Variants in KLF12 observed in about 807,000 individuals in gnomAD.
KLF12 encodes KLF transcription factor 12, also known as Krueppel-like factor 12.
Under a neutral mutation model 37.8 loss-of-function variants are expected in KLF12, and 9 were observed. The observed-to-expected ratio is 0.24, with a 90% CI of 0.14 to 0.42. The LOEUF is 0.42. Ranked by LOEUF, KLF12 falls within the 10% of genes least tolerant of loss-of-function variation. The pLI is 1.00. For synonymous variants in KLF12, 208 were observed against 202.1 expected (o/e 1.03, Z -0.25); for missense variants, 411 against 516.0 (o/e 0.80, Z 1.97).
intron 6 of KLF12, among the ~76,000 whole-genome samples, chr13:73,749,759 G>A (rs563068718): frequency 7.2e-5 from 11 of 152,318 alleles, no homozygotes; most frequent in Admixed American, 7.2e-4. Context: ...TATATGGATT[G>A]TCGAAAGAAG....
chr13:73,938,001 T>C (rs1890026114), intron 3 of KLF12, among the ~76,000 whole-genome samples: 1 of 152,188 alleles, frequency 6.6e-6, no homozygotes, highest in African/African-American at 2.4e-5. Flanking sequence ...AAGATTTCAC[T>C]ACAGATCAAA....
intron 4 of KLF12, among the ~76,000 whole-genome samples, chr13:73,841,304 G>T (rs1884721816): frequency 6.6e-6 from 1 of 152,146 alleles, no homozygotes; most frequent in Non-Finnish European, 1.5e-5. Flanking sequence ...TATGCCAGGG[G>T]TGTCCAGTCT....
chr13:73,744,889 T>C (rs36106060), intron 6 of KLF12, among the ~76,000 whole-genome samples: 35,274 of 152,058 alleles, frequency 0.23, 5,132 homozygotes, highest in East Asian at 0.33. Flanking sequence ...TGATGAAGGC[T>C]AGTGTGTCAG....
At chr13:74,091,821 G>A (rs940667190) in intron 1 of KLF12, among the ~76,000 whole-genome samples, 1 of 152,072 alleles carries the variant, frequency 6.6e-6, no homozygotes, top group African/African-American at 2.4e-5. Flanking sequence ...TTTATTTTGG[G>A]TGATAATACA....
the KLF12 span, among the ~76,000 whole-genome samples, chr13:74,229,626 T>C: frequency 4.2e-4 from 64 of 152,316 alleles, no homozygotes; most frequent in African/African-American, 1.5e-3. Context: ...TGGAAAGTTA[T>C]CTAAAATACT....
chr13:74,041,492 T>C (rs1893400142), intron 1 of KLF12, among the ~76,000 whole-genome samples: 1 of 152,138 alleles, frequency 6.6e-6, no homozygotes, highest in African/African-American at 2.4e-5. Flanking sequence ...AGATGCTGAC[T>C]TACTCTCAAA....
chr13:73,760,274 T>C (rs7991940), intron 6 of KLF12, among the ~76,000 whole-genome samples: 17,231 of 152,166 alleles, frequency 0.11, 970 homozygotes, highest in South Asian at 0.16. Flanking sequence ...CAGCATCCAA[T>C]TGGTTAGAGA....
Position 73,969,007 on chromosome 13 carries a change from C to G in KLF12, c.34-24937G>C, listed in dbSNP as rs1311223285. ...TTTATATTGCCTCCTCATCTCACAT[C>G]TCTCTCCCTTACCCCATACTTTAAA... is the stretch of plus-strand genomic sequence containing the variant. On this transcript the variant is annotated intron_variant, in intron 2 of 7. Transcript: ENST00000377669. Among the ~76,000 whole-genome samples, 3 of 138,018 alleles carry G rather than the reference C, an allele frequency of 2.2e-5. No individual in the cohort carries two copies. In the Admixed American group the frequency reaches 2.3e-4, roughly 10 times the overall value. 90.5% of individuals were successfully genotyped at this position (138,018 alleles called of 152,430 possible). A position where few individuals can be genotyped will look rare whatever the true frequency, so the allele number is the denominator to read the frequency against.
chr13:74,262,127 G>A, the KLF12 span, among the ~76,000 whole-genome samples: 1 of 152,290 alleles, frequency 6.6e-6, no homozygotes, highest in African/African-American at 2.4e-5. Flanking sequence ...ATAAGACACA[G>A]GTAGAGTATC....
At chr13:74,163,527 A>G in the KLF12 span, among the ~76,000 whole-genome samples, 26,589 of 152,052 alleles carry the variant, frequency 0.17, 2,987 homozygotes, top group African/African-American at 0.32. Flanking sequence ...GGATCTGAAA[A>G]TCAAATCAAT....
At chr13:73,934,727 A>G (rs1233354355) in intron 3 of KLF12, among the ~76,000 whole-genome samples, 1 of 151,818 alleles carries the variant, frequency 6.6e-6, no homozygotes, top group African/African-American at 2.4e-5. Flanking sequence ...GGCTCATTAA[A>G]CTTCCTGGGA....
chr13:73,985,260 C>T (rs1891797641), intron 2 of KLF12, among the ~76,000 whole-genome samples: 1 of 152,236 alleles, frequency 6.6e-6, no homozygotes, highest in Admixed American at 6.5e-5. Flanking sequence ...GAGCAAAACA[C>T]ATACTGCTTT....
intron 1 of KLF12, among the ~76,000 whole-genome samples, chr13:74,034,354 C>A (rs1031760499): frequency 6.6e-6 from 1 of 152,202 alleles, no homozygotes; most frequent in African/African-American, 2.4e-5. Context: ...CAGGCATGAG[C>A]CACCACACCC....
chr13:73,909,418 A>C (rs1888467613), intron 3 of KLF12, among the ~76,000 whole-genome samples: 1 of 152,224 alleles, frequency 6.6e-6, no homozygotes, highest in African/African-American at 2.4e-5. Flanking sequence ...ATACAACATC[A>C]ACAATAAATC....
At chr13:74,039,318 T>G (rs1476255286) in intron 1 of KLF12, among the ~76,000 whole-genome samples, 4 of 151,878 alleles carry the variant, frequency 2.6e-5, no homozygotes, top group African/African-American at 9.7e-5. Flanking sequence ...GCAGGAGGAG[T>G]GCTTGAGTTC....
intron 1 of KLF12, among the ~76,000 whole-genome samples, chr13:74,004,138 T>C (rs1892353426): frequency 6.6e-6 from 1 of 152,172 alleles, no homozygotes; most frequent in South Asian, 2.1e-4. Flanking sequence ...TCTCTAACTT[T>C]ATTCCCAAAG....
chr13:73,974,179 TA>T (rs1247407897), intron 2 of KLF12, among the ~76,000 whole-genome samples: 1 of 151,476 alleles, frequency 6.6e-6, no homozygotes, highest in Non-Finnish European at 1.5e-5. Context: ...GATAGAAAAA[TA>T]TTTCAAGTAA....
intron 1 of KLF12, among the ~76,000 whole-genome samples, chr13:74,050,821 T>G (rs1341866903): frequency 1.3e-5 from 2 of 152,194 alleles, no homozygotes; most frequent in African/African-American, 4.8e-5. Flanking sequence ...AACATTCATT[T>G]GATAAGGAGT....
chr13:74,253,885 T>C, the KLF12 span, among the ~76,000 whole-genome samples: 1 of 152,206 alleles, frequency 6.6e-6, no homozygotes, highest in Admixed American at 6.5e-5. Flanking sequence ...CATTAGCTTA[T>C]TACAGATTAT....
Sources: allele counts gnomAD v4.1 joint callset (sites outside exome capture counted in the v4.1 genomes callset), GRCh38; gene constraint gnomAD v4.1.1; transcripts MANE v1.5; gene names NCBI Gene and HGNC (gene_info 2026-07-23, HGNC 2026-07-21).